NUBPL: variants seen among roughly 807,000 people sequenced by gnomAD.
The protein encoded by NUBPL is iron-sulfur cluster transfer protein NUBPL.
NUBPL carries 31 observed loss-of-function variants against 45.7 expected under a neutral mutation model. That is an observed-to-expected ratio of 0.68 (90% CI 0.51 to 0.92). NUBPL has a LOEUF of 0.92. NUBPL is among the 40% of genes least tolerant of loss of function. The probability of loss-of-function intolerance (pLI) is 0.00; values close to 1 mark genes in which losing one functional copy is unlikely to be tolerated. For synonymous variants in NUBPL, 144 were observed against 140.9 expected (o/e 1.02, Z -0.15); for missense variants, 401 against 398.7 (o/e 1.01, Z -0.05).
chr14:31,787,116 G>GAA (rs2039298808), intron 6 of NUBPL, among the ~76,000 whole-genome samples: 1 of 152,236 alleles, frequency 6.6e-6, no homozygotes, highest in East Asian at 1.9e-4. Context: ...TTACAATTGA[G>GAA]AAGATCCTTG....
intron 6 of NUBPL, among the ~76,000 whole-genome samples, chr14:31,726,002 G>T (rs569877745): frequency 1.1e-3 from 165 of 152,182 alleles, no homozygotes; most frequent in African/African-American, 3.7e-3. Context: ...GAGCCACCGT[G>T]CCTGGTCCGA....
chr14:31,811,365 A>G (rs533944076), intron 7 of NUBPL, among the ~76,000 whole-genome samples: 2 of 152,218 alleles, frequency 1.3e-5, no homozygotes, highest in South Asian at 2.1e-4. Context: ...CATTTCTTCA[A>G]TTTGATCTTC....
At chr14:31,817,751 A>G (rs917181772) in intron 7 of NUBPL, among the ~76,000 whole-genome samples, 1 of 152,256 alleles carries the variant, frequency 6.6e-6, no homozygotes, top group African/African-American at 2.4e-5. Flanking sequence ...AACTGCATCA[A>G]CTAATGGGTA....
At chr14:31,654,345 G>C (rs1482793118) in intron 4 of NUBPL, among the ~76,000 whole-genome samples, 2 of 151,896 alleles carry the variant, frequency 1.3e-5, no homozygotes, top group African/African-American at 4.8e-5. Flanking sequence ...CATGTGAATT[G>C]CTGCTGACTG....
intron 6 of NUBPL, among the ~76,000 whole-genome samples, chr14:31,721,058 A>T (rs1286979251): frequency 6.7e-6 from 1 of 149,930 alleles, no homozygotes; most frequent in African/African-American, 2.5e-5. Context: ...ATGAACAAAT[A>T]AGTAAAAAAT....
At chr14:31,687,103 A>C (rs567796922) in intron 6 of NUBPL, among the ~76,000 whole-genome samples, 1 of 152,184 alleles carries the variant, frequency 6.6e-6, no homozygotes, top group East Asian at 1.9e-4. Context: ...ACAGAGTGAG[A>C]CCCTGTTTCA....
chr14:31,610,034 C>A (rs997269424), intron 4 of NUBPL, among the ~76,000 whole-genome samples: 1 of 151,700 alleles, frequency 6.6e-6, no homozygotes, highest in Non-Finnish European at 1.5e-5. Flanking sequence ...GCAAACTACA[C>A]CCGAAATTAG....
At chr14:31,835,631 T>C (rs761431702) in intron 8 of NUBPL, among the ~76,000 whole-genome samples, 2 of 152,124 alleles carry the variant, frequency 1.3e-5, no homozygotes, top group Non-Finnish European at 2.9e-5. Context: ...CATAGAGAAA[T>C]TGAGTTGCAC....
rs555036709 is a variant in NUBPL at position 31,675,118 on chromosome 14, C to A, written c.513+1544C>A. Among the ~76,000 whole-genome samples the A allele has an allele frequency of 9.8e-5, 14 of 143,070 alleles. No homozygotes were observed. In the East Asian group the frequency reaches 2.8e-3, roughly 29 times the overall value. The allele number at this position is 143,070 out of a possible 152,430, so 93.9% of individuals were successfully genotyped here. A position where few individuals can be genotyped will look rare whatever the true frequency, so the allele number is the denominator to read the frequency against. On this transcript the variant is annotated intron_variant, in intron 6 of 10. Coordinates refer to ENST00000281081, the MANE Select transcript of NUBPL (RefSeq NM_025152.3). ...TGCCACTGCACTCCAGCCTGGGTGA[C>A]AGAGTAAGACTCCGTCTCAAAAAAA...
At chr14:31,841,310 A>G (rs962525068) in intron 8 of NUBPL, among the ~76,000 whole-genome samples, 7 of 152,346 alleles carry the variant, frequency 4.6e-5, no homozygotes, top group African/African-American at 1.7e-4. Context: ...AACTGAAACA[A>G]TGAATCTTAC....
intron 3 of NUBPL, among the ~76,000 whole-genome samples, chr14:31,570,681 A>G (rs144088062): frequency 3.8e-4 from 58 of 152,174 alleles, no homozygotes; most frequent in African/African-American, 1.3e-3. Flanking sequence ...CCATTGTTCT[A>G]TTTCCACTGT....
intron 6 of NUBPL, among the ~76,000 whole-genome samples, chr14:31,753,643 C>T (rs540011401): frequency 3.3e-5 from 5 of 152,110 alleles, no homozygotes; most frequent in African/African-American, 1.2e-4. Context: ...TGCTAGTACA[C>T]CTTGGGTCCT....
intron 6 of NUBPL, among the ~76,000 whole-genome samples, chr14:31,677,082 GGGTACATGA>G (rs1168069019): frequency 2.6e-5 from 4 of 151,516 alleles, no homozygotes; most frequent in African/African-American, 4.9e-5. Flanking sequence ...TATATTTATG[GGGTACATGA>G]GATATTTTGA....
At chr14:31,791,262 A>C (rs1433919209) in intron 7 of NUBPL, among the ~76,000 whole-genome samples, 1 of 152,220 alleles carries the variant, frequency 6.6e-6, no homozygotes, top group Non-Finnish European at 1.5e-5. Context: ...TGGGTGATAG[A>C]ATAAGACCCT....
chr14:31,761,130 T>G (rs1038245975), intron 6 of NUBPL, among the ~76,000 whole-genome samples: 13 of 152,338 alleles, frequency 8.5e-5, no homozygotes, highest in African/African-American at 3.1e-4. Context: ...CACAACACCA[T>G]TAAATGATGT....
chr14:31,606,197 G>A (rs1042529536), intron 4 of NUBPL, among the ~76,000 whole-genome samples: 2 of 148,580 alleles, frequency 1.3e-5, no homozygotes, highest in Non-Finnish European at 3.0e-5. Flanking sequence ...GGGCTCAAGT[G>A]ACTGTCCCTC....
intron 7 of NUBPL, among the ~76,000 whole-genome samples, chr14:31,808,055 G>A (rs1467664592): frequency 2.0e-5 from 3 of 152,260 alleles, no homozygotes; most frequent in South Asian, 4.1e-4. Flanking sequence ...GTCAGGTGGC[G>A]TGATGCCTCC....
chr14:31,819,616 C>T (rs1040926297), intron 7 of NUBPL, among the ~76,000 whole-genome samples: 5 of 152,128 alleles, frequency 3.3e-5, no homozygotes, highest in Admixed American at 3.3e-4. Context: ...GACCCAAATC[C>T]ACATATGCAG....
Position 31,832,290 on chromosome 14 carries a change from A to G in NUBPL, c.693+5576A>G, listed in dbSNP as rs147839974. On this transcript the variant is annotated intron_variant, in intron 8 of 10. Transcript: ENST00000281081. The stretch of plus-strand genomic sequence containing the variant: ...GGGCTTAATTAGAATAATGCCAGTG[A>G]AAGTGGAAGGGGAAATGAATGTAAT... Among the ~76,000 whole-genome samples the G allele has an allele frequency of 3.9e-3, 599 of 152,314 alleles. 2 individuals carry two copies. Among genetic ancestry groups the G allele is most frequent in the Admixed American group, 6.3e-3 (97 of 15,298 alleles).
Sources: allele counts gnomAD v4.1 joint callset (sites outside exome capture counted in the v4.1 genomes callset), GRCh38; gene constraint gnomAD v4.1.1; transcripts MANE v1.5; gene names NCBI Gene and HGNC (gene_info 2026-07-23, HGNC 2026-07-21).